Variants in GRHL2 observed in about 807,000 individuals in gnomAD.
The protein encoded by GRHL2 is grainyhead-like protein 2 homolog.
A neutral mutation model predicts 83.8 loss-of-function variants in GRHL2; 21 were observed. The ratio of observed to expected loss-of-function variants is 0.25; its 90% confidence interval spans 0.18 to 0.36. GRHL2 has a LOEUF of 0.36. GRHL2 is among the 10% of genes least tolerant of loss of function. The pLI is 1.00. For synonymous variants in GRHL2, 280 were observed against 278.9 expected, an observed-to-expected ratio of 1.00 and a Z score of -0.04; for missense variants, 623 against 781.8, an observed-to-expected ratio of 0.80 and a Z score of 2.42.
intron 1 of GRHL2, among the ~76,000 whole-genome samples, chr8:101,509,156 TCC>T (rs1491498688): frequency 1.0e-5 from 1 of 99,804 alleles, no homozygotes; most frequent in African/African-American, 3.2e-5. Flanking sequence ...CTTCCTTCCT[TCC>T]TTTCTTTCTT....
chr8:101,578,985 A>G (rs1000795333), intron 7 of GRHL2, among the ~76,000 whole-genome samples: 1 of 152,186 alleles, frequency 6.6e-6, no homozygotes, highest in African/African-American at 2.4e-5. Context: ...TCGAATAAAC[A>G]AGGAAACTGA....
chr8:101,602,302 TCA>T (rs1396753880), intron 8 of GRHL2, among the ~76,000 whole-genome samples: 1 of 152,234 alleles, frequency 6.6e-6, no homozygotes, highest in Non-Finnish European at 1.5e-5. Flanking sequence ...GGCATCCCTC[TCA>T]CAGTGGAAGT....
intron 1 of GRHL2, among the ~76,000 whole-genome samples, chr8:101,542,491 T>A (rs1811173706): frequency 6.6e-6 from 1 of 151,562 alleles, no homozygotes; most frequent in Admixed American, 6.6e-5. Flanking sequence ...AAGCGGAGGT[T>A]TCAGTGAGCC....
At position 101,649,487 on chromosome 8, in the gene GRHL2, C is replaced by T; in HGVS notation, c.1686C>T (p.Gly562=). ...TGTTGAAGTCTCCCACAGTGAAGGG[C>T]CTGATGGAAGCGGTAAGCCATATAC... The part of the protein sequence containing the change: ...ALMLKSPTVK[G]LMEAISEKYG... Residue 562 remains glycine, a synonymous_variant, in exon 14 of 16, where the codon GGC becomes GGT. Coordinates refer to ENST00000646743, the MANE Select transcript of GRHL2 (RefSeq NM_024915.4). 1 of 1,613,108 alleles carries T rather than the reference C, an allele frequency of 6.2e-7. No individual in the cohort carries two copies. The highest frequency in any genetic ancestry group is 8.5e-7 in the Non-Finnish European group (1 of 1,179,220).
chr8:101,552,447 C>T (rs1360390922), intron 2 of GRHL2, among the ~76,000 whole-genome samples: 1 of 152,210 alleles, frequency 6.6e-6, no homozygotes, highest in Admixed American at 6.5e-5. Flanking sequence ...GAGAGGTGCT[C>T]GGGTCCAGGG....
At chr8:101,522,127 T>C (rs1487458258) in intron 1 of GRHL2, among the ~76,000 whole-genome samples, 2 of 152,152 alleles carry the variant, frequency 1.3e-5, no homozygotes, top group Non-Finnish European at 2.9e-5. Context: ...TATTATACTT[T>C]AAGTTCTAGG....
At chr8:101,581,640 A>G (rs1812054844) in intron 7 of GRHL2, among the ~76,000 whole-genome samples, 1 of 152,228 alleles carries the variant, frequency 6.6e-6, no homozygotes, top group Non-Finnish European at 1.5e-5. Flanking sequence ...GGAAAAGCAC[A>G]GTTATTCCAC....
chr8:101,562,448 TA>T, intron 4 of GRHL2: 1 of 444,872 alleles, frequency 2.2e-6, no homozygotes, highest in African/African-American at 2.0e-5. Flanking sequence ...GTGGCCAGGG[TA>T]GATGGGCCCT....
chr8:101,534,306 G>A (rs947226879), intron 1 of GRHL2, among the ~76,000 whole-genome samples: 1 of 152,118 alleles, frequency 6.6e-6, no homozygotes, highest in African/African-American at 2.4e-5. Context: ...AGACAGGAGA[G>A]TCTACTAGGC....
At chr8:101,575,577 C>T (rs548729202) in intron 6 of GRHL2, among the ~76,000 whole-genome samples, 1 of 152,234 alleles carries the variant, frequency 6.6e-6, no homozygotes, top group South Asian at 2.1e-4. Context: ...TTTCTGAGAA[C>T]AGTGTTTCAT....
chr8:101,614,406 T>C (rs989247947), intron 8 of GRHL2, among the ~76,000 whole-genome samples: 1 of 151,088 alleles, frequency 6.6e-6, no homozygotes, highest in Non-Finnish European at 1.5e-5. Context: ...AAAAAATAAA[T>C]TGTGTGCTAT....
At chr8:101,595,005 C>A (rs770702417) in intron 7 of GRHL2, among the ~76,000 whole-genome samples, 9 of 152,176 alleles carry the variant, frequency 5.9e-5, no homozygotes, top group Non-Finnish European at 1.2e-4. Context: ...TTTGGGCATA[C>A]AAAAGCAGAT....
chr8:101,609,114 T>A (rs1420749203), intron 8 of GRHL2, among the ~76,000 whole-genome samples: 1 of 149,610 alleles, frequency 6.7e-6, no homozygotes, highest in African/African-American at 2.5e-5. Flanking sequence ...CAGGGTGAAG[T>A]ATAGGACTTA....
At chr8:101,503,153 G>C (rs1374146492) in intron 1 of GRHL2, among the ~76,000 whole-genome samples, 2 of 152,142 alleles carry the variant, frequency 1.3e-5, no homozygotes, top group Non-Finnish European at 2.9e-5. Flanking sequence ...CCCCTGAAAG[G>C]TTCTCATGTT....
At chr8:101,580,414 A>G (rs945484185) in intron 7 of GRHL2, among the ~76,000 whole-genome samples, 1 of 152,126 alleles carries the variant, frequency 6.6e-6, no homozygotes, top group Non-Finnish European at 1.5e-5. Context: ...CCTGCTCTCT[A>G]ACTGTGTTTG....
At position 101,570,349 on chromosome 8, in the gene GRHL2, G is replaced by C. The variant is rs140423160; in HGVS notation, c.689G>C (p.Ser230Thr). The C allele has an allele frequency of 6.2e-7, 1 of 1,613,924 alleles. No individual in the cohort carries two copies. Among genetic ancestry groups the C allele is most frequent in the East Asian group, 2.2e-5 (1 of 44,856 alleles). Residue 230 changes from serine to threonine, a missense_variant, in exon 5 of 16, where the codon AGT becomes ACT. Coordinates refer to ENST00000646743, the MANE Select transcript of GRHL2 (RefSeq NM_024915.4). ...FKDAATEKFRSASVGAEEYMY... is the reference protein window; with the variant it reads ...FKDAATEKFRTASVGAEEYMY... Reference sequence around the variant, plus strand: ...ACTCATATTTTGCAGAAATTTCGGAGTGCTTCAGTTGGGGCTGAGGAGTAC... The same window carrying C: ...ACTCATATTTTGCAGAAATTTCGGACTGCTTCAGTTGGGGCTGAGGAGTAC...
intron 2 of GRHL2, among the ~76,000 whole-genome samples, chr8:101,548,521 G>T (rs1465064098): frequency 1.3e-5 from 2 of 152,206 alleles, no homozygotes; most frequent in Non-Finnish European, 2.9e-5. Context: ...GAGAGTTGGT[G>T]AGGGGAGTTC....
At chr8:101,604,414 G>A (rs931287707) in intron 8 of GRHL2, among the ~76,000 whole-genome samples, 3 of 152,140 alleles carry the variant, frequency 2.0e-5, no homozygotes, top group African/African-American at 7.2e-5. Flanking sequence ...TCTAAGGAGA[G>A]TCTTGAAACT....
intron 2 of GRHL2, among the ~76,000 whole-genome samples, chr8:101,545,411 G>A (rs554314723): frequency 7.7e-4 from 92 of 119,814 alleles, no homozygotes; most frequent in African/African-American, 2.7e-3. Flanking sequence ...ATGTAACTAA[G>A]GCTATTTTCT....
Sources: gnomAD v4.1 joint callset for allele counts (sites outside exome capture counted in the v4.1 genomes callset) on GRCh38, gnomAD v4.1.1 for gene constraint, MANE v1.5 for transcripts, NCBI Gene and HGNC (gene_info 2026-07-23, HGNC 2026-07-21) for gene names.